The following PSORS1C1 variants were observed in gnomAD, a reference collection of about 807,000 sequenced individuals.
PSORS1C1 encodes the protein psoriasis susceptibility 1 candidate gene 1 protein.
Under a neutral mutation model 9.4 loss-of-function variants are expected in PSORS1C1, and 7 were observed. The observed-to-expected ratio is 0.75, with a 90% CI of 0.42 to 1.40. The LOEUF (loss-of-function observed/expected upper bound fraction) is 1.40, where lower values mean the gene tolerates loss of function less well. PSORS1C1 is among the 40% of genes most tolerant of loss of function. The pLI is 0.01. For synonymous variants in PSORS1C1, 63 were observed against 69.4 expected (o/e 0.91, Z 0.46); for missense variants, 146 against 178.1 (o/e 0.82, Z 1.02).
chr6:31,131,722 G>T (rs977119182), intron 3 of PSORS1C1, among the ~76,000 whole-genome samples: 1 of 152,132 alleles, frequency 6.6e-6, no homozygotes, highest in South Asian at 2.1e-4. Context: ...ACCTTGCATG[G>T]GTCACTGTAC....
chr6:31,116,678 AG>A, intron 1 of PSORS1C1: 1 of 1,612,708 alleles, frequency 6.2e-7, no homozygotes, highest in South Asian at 1.1e-5. Flanking sequence ...CCCTTACTGT[AG>A]GTCATGCCTG....
At chr6:31,121,167 C>CG (rs1421637129) in intron 1 of PSORS1C1, among the ~76,000 whole-genome samples, 1 of 71,146 alleles carries the variant, frequency 1.4e-5, no homozygotes. Flanking sequence ...GGCATGGTGG[C>CG]GGGGGTGGGG....
At chr6:31,124,698 G>A (rs1207999466) in intron 1 of PSORS1C1, among the ~76,000 whole-genome samples, 1 of 152,200 alleles carries the variant, frequency 6.6e-6, no homozygotes, top group African/African-American at 2.4e-5. Context: ...GGCCAGGTAT[G>A]GTGGCTCACG....
At chr6:31,138,537 C>T in intron 4 of PSORS1C1, 78 bp downstream of exon 4, 2 of 1,604,392 alleles carry the variant, frequency 1.2e-6, no homozygotes, top group Non-Finnish European at 1.7e-6. Context: ...TTCACTTGAC[C>T]CACTTTAAAC....
At chr6:31,132,467 G>C (rs1561768062) in intron 3 of PSORS1C1, among the ~76,000 whole-genome samples, 1 of 141,058 alleles carries the variant, frequency 7.1e-6, no homozygotes, top group Non-Finnish European at 1.6e-5. Flanking sequence ...GATTGCAGTG[G>C]GCTGAGATCA....
In PSORS1C1 at chr6:31,116,990, G is replaced by C. The variant is rs779003367; in HGVS notation, c.-229+2099G>C. The C allele has an allele frequency of 2.5e-6, 4 of 1,614,066 alleles. No homozygotes were observed. Among genetic ancestry groups the C allele is most frequent in the Non-Finnish European group, 2.5e-6 (3 of 1,180,040 alleles). ...GGACGCTGGTTGGAGCTGACGCTTT[G>C]GCCACTGCTGGATACCCCAAAGGTC... On this transcript the variant is annotated intron_variant, in intron 1 of 5. Transcript: ENST00000259881.
At chr6:31,117,099 A>G in intron 1 of PSORS1C1, 2 of 1,614,224 alleles carry the variant, frequency 1.2e-6, no homozygotes, top group Non-Finnish European at 1.7e-6. Flanking sequence ...GAGCAGAGCC[A>G]TTCCCTACTT....
intron 3 of PSORS1C1, chr6:31,138,226 C>T: frequency 6.4e-7 from 1 of 1,567,606 alleles, no homozygotes; most frequent in East Asian, 2.2e-5. Flanking sequence ...ACTGGGGGGC[C>T]CTGAGGCAAT....
In PSORS1C1 at chr6:31,129,553, C is replaced by T. The variant is rs1308438301; in HGVS notation, c.-64-16C>T. On this transcript the variant is annotated splice_polypyrimidine_tract_variant and intron_variant, in intron 2 of 5. Transcript: ENST00000259881. ...CCTCCCCCTTCTCTTTCCCACTCAC[C>T]TACCTGCCATGTCAGCCTGGGAAGA... The T allele has an allele frequency of 1.0e-5, 8 of 775,364 alleles. No individual in the cohort carries two copies. Among genetic ancestry groups the T allele is most frequent in the South Asian group, 5.4e-5 (4 of 73,816 alleles). The allele number at this position is 775,364 out of a possible 1,614,324, so 48.0% of individuals were successfully genotyped here.
chr6:31,118,509 C>A (rs1772285474), intron 1 of PSORS1C1: 1 of 152,562 alleles, frequency 6.6e-6, no homozygotes. Flanking sequence ...AGCACACCTG[C>A]CTCTGTCCAG....
chr6:31,129,259 T>C (rs917358719), intron 2 of PSORS1C1, among the ~76,000 whole-genome samples: 1 of 152,216 alleles, frequency 6.6e-6, no homozygotes, highest in Non-Finnish European at 1.5e-5. Flanking sequence ...GTGATCCTAT[T>C]CTGTTATTTA....
intron 3 of PSORS1C1, chr6:31,138,119 G>A: frequency 1.2e-6 from 2 of 1,604,720 alleles, no homozygotes; most frequent in South Asian, 2.2e-5. Context: ...CAGGGAGCCA[G>A]ACTCCAGTTT....
At chr6:31,120,834 C>T (rs1396146959) in intron 1 of PSORS1C1, among the ~76,000 whole-genome samples, 1 of 152,116 alleles carries the variant, frequency 6.6e-6, no homozygotes, top group Non-Finnish European at 1.5e-5. Flanking sequence ...GCCCTCCACT[C>T]GCAGTCGTGG....
chr6:31,127,273 G>A (rs1276665878), intron 2 of PSORS1C1, among the ~76,000 whole-genome samples: 1 of 152,058 alleles, frequency 6.6e-6, no homozygotes, highest in African/African-American at 2.4e-5. Context: ...TGTGTTCTGG[G>A]CTGTCTGAGT....
intron 1 of PSORS1C1, among the ~76,000 whole-genome samples, chr6:31,120,026 G>A (rs1224457230): frequency 6.6e-6 from 1 of 152,176 alleles, no homozygotes; most frequent in Non-Finnish European, 1.5e-5. Context: ...TCATTATCTT[G>A]TAGTGCTCCC....
chr6:31,136,612 A>G (rs955983173), intron 3 of PSORS1C1, among the ~76,000 whole-genome samples: 3 of 152,114 alleles, frequency 2.0e-5, no homozygotes, highest in Non-Finnish European at 4.4e-5. Context: ...ATATACCACT[A>G]GGGGTATCCA....
chr6:31,138,504 C>T (rs553355717), intron 4 of PSORS1C1, 45 bp downstream of exon 4: 126 of 1,609,502 alleles, frequency 7.8e-5, no homozygotes, highest in Non-Finnish European at 1.1e-4. Context: ...TCATGAACCC[C>T]TACCCCCGAT....
In PSORS1C1 at chr6:31,140,091, A is replaced by T; in HGVS notation, c.*159A>T. 1 of 688,612 alleles carries T rather than the reference A, an allele frequency of 1.5e-6. No individual in the cohort carries two copies. The highest frequency in any genetic ancestry group is 2.5e-6 in the Non-Finnish European group (1 of 402,200). 42.7% of individuals were successfully genotyped at this position (688,612 alleles called of 1,614,324 possible). On this transcript the variant is annotated 3_prime_UTR_variant, in exon 6 of 6. Transcript: ENST00000259881. The surrounding 1 kb of genome is among the most constrained non-coding windows in gnomAD (Gnocchi z 4.6). ...CACAGTAAGGAACACCTTATTATGC[A>T]ATGGCGTGATCTCATCTGTTCCCTC...
intron 3 of PSORS1C1, among the ~76,000 whole-genome samples, chr6:31,132,767 T>C (rs1265864677): frequency 6.6e-6 from 1 of 151,788 alleles, no homozygotes; most frequent in East Asian, 1.9e-4. Context: ...GAGGACCACT[T>C]GAGCCCAGGA....
Sources: gnomAD v4.1 joint callset for allele counts (sites outside exome capture counted in the v4.1 genomes callset) on GRCh38, gnomAD v4.1.1 for gene constraint, Gnocchi (gnomAD v3.1) non-coding constraint, MANE v1.5 for transcripts, NCBI Gene and HGNC (gene_info 2026-07-23, HGNC 2026-07-21) for gene names.